CC2D2B: variants seen among roughly 807,000 people sequenced by gnomAD.
CC2D2B encodes the protein protein CC2D2B.
Under a neutral mutation model 161.2 loss-of-function variants are expected in CC2D2B, and 128 were observed. The ratio of observed to expected loss-of-function variants is 0.79; its 90% CI spans 0.69 to 0.92. CC2D2B has a LOEUF of 0.92. Among genes scored for constraint, CC2D2B ranks in the 40% least tolerant of loss-of-function variants. CC2D2B has a pLI of 0.00. For synonymous variants in CC2D2B, 391 were observed against 449.8 expected (o/e 0.87, Z 1.65); for missense variants, 1,173 against 1,375.1 (o/e 0.85, Z 2.32).
chr10:95,914,012 G>A (rs1443417536), intron 2 of CC2D2B, among the ~76,000 whole-genome samples: 1 of 152,062 alleles, frequency 6.6e-6, no homozygotes, highest in Non-Finnish European at 1.5e-5. Context: ...TGTGCTTTTG[G>A]GGTATTACTT....
chr10:95,918,200 T>TA (rs1344579469), intron 2 of CC2D2B, among the ~76,000 whole-genome samples: 1 of 152,242 alleles, frequency 6.6e-6, no homozygotes, highest in Non-Finnish European at 1.5e-5. Context: ...TATACCTAAT[T>TA]ACAAGAGAGT....
At chr10:95,960,139 C>A (rs1184954506) in intron 11 of CC2D2B, among the ~76,000 whole-genome samples, 2 of 152,144 alleles carry the variant, frequency 1.3e-5, no homozygotes, top group African/African-American at 4.8e-5. Flanking sequence ...AGTTGGAGAA[C>A]CACAGTTAAC....
intron 5 of CC2D2B, 120 bp downstream of exon 5, chr10:95,924,964 A>T (rs1461909827): frequency 2.0e-5 from 12 of 611,142 alleles, no homozygotes; most frequent in Non-Finnish European, 3.4e-5. Context: ...AATTTACAGA[A>T]TTGTTCAATC....
At chr10:95,965,826 C>T in intron 12 of CC2D2B, 70 bp from the exon 13 acceptor site, 2 of 405,650 alleles carry the variant, frequency 4.9e-6, no homozygotes, top group Non-Finnish European at 7.8e-6. Flanking sequence ...TGTGTGTTGG[C>T]AAAATCTCGA....
chr10:95,979,697 A>G (rs1035480787), intron 17 of CC2D2B, among the ~76,000 whole-genome samples: 1 of 152,132 alleles, frequency 6.6e-6, no homozygotes, highest in Admixed American at 6.5e-5. Flanking sequence ...TTATATTTTT[A>G]ACTATTTTTT....
At chr10:95,935,153 G>T (rs2075773123) in intron 6 of CC2D2B, among the ~76,000 whole-genome samples, 1 of 152,214 alleles carries the variant, frequency 6.6e-6, no homozygotes, top group African/African-American at 2.4e-5. Flanking sequence ...TTACAGGCGT[G>T]AGCCACCACA....
intron 29 of CC2D2B, among the ~76,000 whole-genome samples, chr10:96,015,067 C>T (rs1046674322): frequency 6.6e-6 from 1 of 151,612 alleles, no homozygotes; most frequent in African/African-American, 2.4e-5. Flanking sequence ...AGAGTGCATG[C>T]CACATCATTT....
chr10:95,921,984 T>C (rs1382714585), intron 2 of CC2D2B, 32 bp from the exon 3 acceptor site: 7 of 1,284,306 alleles, frequency 5.5e-6, no homozygotes, highest in Non-Finnish European at 6.5e-6. Context: ...CAAAACAAGA[T>C]GCAAGTTTAA....
chr10:95,961,000 T>C (rs1018942776), intron 11 of CC2D2B, among the ~76,000 whole-genome samples: 19 of 152,008 alleles, frequency 1.2e-4, no homozygotes, highest in African/African-American at 4.3e-4. Context: ...CAAATAGAAC[T>C]TAGGTGGCAA....
chr10:95,932,191 A>G (rs890502748), intron 6 of CC2D2B, among the ~76,000 whole-genome samples: 1 of 152,198 alleles, frequency 6.6e-6, no homozygotes, highest in Non-Finnish European at 1.5e-5. Context: ...ATCAGAGACT[A>G]GGATGGCAAC....
At position 96,027,243 on chromosome 10, in the gene CC2D2B, G is replaced by A. The variant is rs754611503; in HGVS notation, c.3979G>A (p.Glu1327Lys). ...AAGGACTCTGAAGAGTAAAGTGATG[G>A]AATGGCGACCTAAACACCCAACACA... The part of the protein sequence containing the change: ...IERTLKSKVM[E>K]WRPKHPTHWN... Residue 1327 changes from glutamate (E) to lysine (K), a missense_variant, in exon 34 of 35, where the codon GAA (glutamate) becomes AAA (lysine). This residue lies in a region of CC2D2B where 598 missense variants were observed against 693.2 expected (regional missense o/e 0.86). Coordinates refer to ENST00000646931, the MANE Select transcript of CC2D2B (RefSeq NM_001349008.3). 8 of 1,546,678 alleles carry A rather than the reference G, an allele frequency of 5.2e-6. No individual in the cohort carries two copies. In the East Asian group the frequency reaches 1.5e-4, roughly 29 times the overall value.
rs2075915226 is a variant in CC2D2B at position 95,938,708 on chromosome 10, A to G, written c.672+3A>G. ...ATCGCCTGCTTAAACTAGAAGAGGC[A>G]AGTGCACCACCTAACAAGTTAAAAC... On this transcript the variant is annotated splice_donor_region_variant and intron_variant, in intron 8 of 34. Transcript: ENST00000646931. 9.9e-6 allele frequency: 7 copies of G among 710,560 alleles called. No homozygotes were observed. Among genetic ancestry groups the G allele is most frequent in the Non-Finnish European group, 1.8e-5 (7 of 383,108 alleles). 44.0% of individuals were successfully genotyped at this position (710,560 alleles called of 1,614,324 possible). A position where few individuals can be genotyped will look rare whatever the true frequency, so the allele number is the denominator to read the frequency against.
chr10:95,993,897 AG>A (rs1564649189), intron 22 of CC2D2B, among the ~76,000 whole-genome samples: 43 of 99,818 alleles, frequency 4.3e-4, no homozygotes, highest in African/African-American at 1.4e-3. Context: ...ATAGAGAGAG[AG>A]AATGTGTGTG....
chr10:95,909,658 T>C (rs2098502540), intron 1 of CC2D2B, among the ~76,000 whole-genome samples: 1 of 152,234 alleles, frequency 6.6e-6, no homozygotes, highest in Non-Finnish European at 1.5e-5. Context: ...ATTAAAGATA[T>C]GTTACTATAT....
Position 95,947,082 on chromosome 10 carries a change from AATAT to A in CC2D2B, c.802-2785_802-2782del, listed in dbSNP as rs1297977316. Among the ~76,000 whole-genome samples the A allele has an allele frequency of 5.3e-3, 210 of 39,488 alleles. 4 individuals carry two copies. Among genetic ancestry groups the A allele is most frequent in the Middle Eastern group, 0.022 (1 of 46 alleles). 25.9% of individuals were successfully genotyped at this position (39,488 alleles called of 152,430 possible). A position where few individuals can be genotyped will look rare whatever the true frequency, so the allele number is the denominator to read the frequency against. ...ATAAATTCCAAATAGTGGACTCAAA[AATAT>A]ATATATATATATATATATATATATA... On this transcript the variant is annotated intron_variant, in intron 9 of 34. Coordinates refer to ENST00000646931, the MANE Select transcript of CC2D2B (RefSeq NM_001349008.3).
chr10:96,001,512 G>A (rs1042719074), intron 24 of CC2D2B, among the ~76,000 whole-genome samples: 3 of 152,060 alleles, frequency 2.0e-5, no homozygotes, highest in Non-Finnish European at 2.9e-5. Flanking sequence ...CAGAAGAACC[G>A]ATATAATCAC....
intron 34 of CC2D2B, 88 bp downstream of exon 34, chr10:96,027,477 G>T: frequency 1.1e-6 from 1 of 929,796 alleles, no homozygotes; most frequent in Non-Finnish European, 1.6e-6. Flanking sequence ...ATTTCTGAAA[G>T]GCCTTTTATC....
rs114817469 is a variant in CC2D2B at position 95,972,452 on chromosome 10, T to C, written c.1795+236T>C. Among the ~76,000 whole-genome samples, 36 of 152,072 alleles carry C rather than the reference T, an allele frequency of 2.4e-4. 1 individual carries two copies. The highest frequency in any genetic ancestry group is 2.9e-5 in the Non-Finnish European group (2 of 68,026). On this transcript the variant is annotated intron_variant, in intron 16 of 34. Transcript: ENST00000646931. The stretch of plus-strand genomic sequence containing the variant: ...TTCTCGTGCCTCCAGTAGCTGGGAT[T>C]ACAGATCCCTGCCACCACGCCCATC...
At chr10:96,015,174 C>A (rs534219466) in intron 29 of CC2D2B, among the ~76,000 whole-genome samples, 45 of 152,084 alleles carry the variant, frequency 3.0e-4, no homozygotes, top group African/African-American at 1.1e-3. Flanking sequence ...AAGCAATTCT[C>A]CTGCCTCAGC....
Sources: gnomAD v4.1 joint callset for allele counts (sites outside exome capture counted in the v4.1 genomes callset) on GRCh38, gnomAD v4.1.1 for gene constraint, gnomAD v4.1.1 regional missense constraint, MANE v1.5 for transcripts, NCBI Gene and HGNC (gene_info 2026-07-23, HGNC 2026-07-21) for gene names.